THSD7B: variants seen among roughly 807,000 people sequenced by gnomAD.
THSD7B encodes the protein thrombospondin type 1 domain containing 7B, also known as thrombospondin type-1 domain-containing protein 7B.
THSD7B carries 138 observed loss-of-function variants against 213.6 expected under a neutral mutation model. That is an observed-to-expected ratio of 0.65 (90% CI 0.56 to 0.74). The LOEUF (loss-of-function observed/expected upper bound fraction) is 0.74, where lower values mean the gene tolerates loss of function less well. Among genes scored for constraint, THSD7B ranks in the 30% least tolerant of loss-of-function variants. The pLI is 0.00. For synonymous variants in THSD7B, 742 were observed against 687.0 expected (o/e 1.08, Z -1.25); for missense variants, 1,931 against 1,991.5 (o/e 0.97, Z 0.58).
chr2:137,342,804 A>G (rs1319913039), intron 12 of THSD7B, among the ~76,000 whole-genome samples: 2 of 151,676 alleles, frequency 1.3e-5, no homozygotes, highest in Non-Finnish European at 3.0e-5. Context: ...GGTTTTTATT[A>G]TTCATTCTGT....
chr2:137,219,092 C>T (rs1172971558), intron 7 of THSD7B, among the ~76,000 whole-genome samples: 1 of 152,024 alleles, frequency 6.6e-6, no homozygotes, highest in Non-Finnish European at 1.5e-5. Flanking sequence ...TTCACCACTG[C>T]AAACTTTCAA....
intron 2 of THSD7B, among the ~76,000 whole-genome samples, chr2:136,984,155 G>A (rs960231753): frequency 6.6e-6 from 1 of 152,240 alleles, no homozygotes; most frequent in Non-Finnish European, 1.5e-5. Flanking sequence ...TGAAATGGAA[G>A]AGCATGGACC....
chr2:137,547,166 A>G (rs1340538421), intron 15 of THSD7B, among the ~76,000 whole-genome samples: 1 of 152,058 alleles, frequency 6.6e-6, no homozygotes, highest in African/African-American at 2.4e-5. Context: ...GAATGGCAGG[A>G]ATGCCATTAT....
intron 15 of THSD7B, among the ~76,000 whole-genome samples, chr2:137,487,750 T>C: frequency 4.8e-4 from 2 of 4,206 alleles, no homozygotes; most frequent in African/African-American, 1.2e-3. Context: ...TTTTTTTTTT[T>C]TTTTTTTTTT....
At chr2:136,808,434 C>G (rs1682323632) in intron 1 of THSD7B, among the ~76,000 whole-genome samples, 1 of 152,148 alleles carries the variant, frequency 6.6e-6, no homozygotes, top group African/African-American at 2.4e-5. Flanking sequence ...CTGGTATCAC[C>G]TGTTGAATAG....
At chr2:137,271,450 AATATAAT>A (rs369285791) in intron 10 of THSD7B, among the ~76,000 whole-genome samples, 2 of 133,686 alleles carry the variant, frequency 1.5e-5, no homozygotes, top group African/African-American at 3.1e-5. Context: ...TATAATATAT[AATATAAT>A]ATATAATATA....
intron 7 of THSD7B, among the ~76,000 whole-genome samples, chr2:137,172,980 C>T (rs1432199308): frequency 1.3e-5 from 2 of 152,264 alleles, no homozygotes; most frequent in South Asian, 2.1e-4. Flanking sequence ...GCAGTTTCAA[C>T]TCTGCTACTC....
intron 2 of THSD7B, among the ~76,000 whole-genome samples, chr2:136,941,202 T>C (rs1684821891): frequency 6.6e-6 from 1 of 152,220 alleles, no homozygotes. Context: ...TTTTTATGGC[T>C]GCATAGTATT....
At chr2:136,829,675 A>G (rs575928100) in intron 1 of THSD7B, among the ~76,000 whole-genome samples, 2 of 152,312 alleles carry the variant, frequency 1.3e-5, no homozygotes, top group East Asian at 3.9e-4. Flanking sequence ...TGAGGAGCAC[A>G]TACTGGGAAT....
intron 1 of THSD7B, among the ~76,000 whole-genome samples, chr2:136,848,454 C>T (rs1347623261): frequency 6.6e-6 from 1 of 152,000 alleles, no homozygotes; most frequent in Non-Finnish European, 1.5e-5. Flanking sequence ...ATATAACATA[C>T]AGTTTTGGAG....
At chr2:137,249,771 T>C (rs1682127728) in intron 10 of THSD7B, among the ~76,000 whole-genome samples, 1 of 152,234 alleles carries the variant, frequency 6.6e-6, no homozygotes. Flanking sequence ...TTATCTGTTT[T>C]TATCCCACGA....
intron 7 of THSD7B, among the ~76,000 whole-genome samples, chr2:137,188,383 T>TATG (rs1680592396): frequency 1.3e-5 from 2 of 152,176 alleles, no homozygotes; most frequent in South Asian, 4.1e-4. Context: ...TATCTGGAAG[T>TATG]CTTCTAACCC....
At chr2:136,930,501 CA>C (rs1295787989) in intron 2 of THSD7B, among the ~76,000 whole-genome samples, 1 of 152,196 alleles carries the variant, frequency 6.6e-6, no homozygotes, top group East Asian at 1.9e-4. Flanking sequence ...ACAGGCCATA[CA>C]AAACCATGAT....
At chr2:137,154,786 G>A (rs1413792310) in intron 5 of THSD7B, among the ~76,000 whole-genome samples, 1 of 152,066 alleles carries the variant, frequency 6.6e-6, no homozygotes, top group Non-Finnish European at 1.5e-5. Flanking sequence ...GAATGAATTT[G>A]TATGCTCATC....
chr2:137,252,196 G>A (rs1360396897), intron 10 of THSD7B, among the ~76,000 whole-genome samples: 6 of 149,950 alleles, frequency 4.0e-5, no homozygotes, highest in South Asian at 4.3e-4. Context: ...GAACCCGGGA[G>A]GCAGAGGTTG....
chr2:137,460,373 T>C (rs1433977962), intron 15 of THSD7B, among the ~76,000 whole-genome samples: 1 of 152,180 alleles, frequency 6.6e-6, no homozygotes, highest in African/African-American at 2.4e-5. Flanking sequence ...AGATGTTAAG[T>C]ATGAACATTT....
At chr2:137,510,125 AT>A (rs1248712069) in intron 15 of THSD7B, among the ~76,000 whole-genome samples, 1 of 152,054 alleles carries the variant, frequency 6.6e-6, no homozygotes, top group Non-Finnish European at 1.5e-5. Flanking sequence ...TAATATAGTA[AT>A]TGGTATGATT....
intron 15 of THSD7B, among the ~76,000 whole-genome samples, chr2:137,549,901 C>G (rs2105204840): frequency 6.6e-6 from 1 of 152,198 alleles, no homozygotes; most frequent in Non-Finnish European, 1.5e-5. Flanking sequence ...GAGTATCAAT[C>G]ATAGCTAGCA....
chr2:137,265,064 G>A (rs1167755951), intron 10 of THSD7B, among the ~76,000 whole-genome samples: 1 of 152,028 alleles, frequency 6.6e-6, no homozygotes, highest in Non-Finnish European at 1.5e-5. Context: ...ACCTATGAGT[G>A]AGAATATGCA....
Sources: allele counts gnomAD v4.1 joint callset (sites outside exome capture counted in the v4.1 genomes callset), GRCh38; gene constraint gnomAD v4.1.1; transcripts MANE v1.5; gene names NCBI Gene and HGNC (gene_info 2026-07-23, HGNC 2026-07-21).